The following PCNX2 variants were observed in gnomAD, a reference collection of about 807,000 sequenced individuals.
PCNX2 encodes the protein pecanex-like protein 2.
PCNX2 carries 168 observed loss-of-function variants against 223.8 expected under a neutral mutation model. The observed-to-expected ratio is 0.75, with a 90% CI of 0.66 to 0.85. The LOEUF (loss-of-function observed/expected upper bound fraction) is 0.85, where lower values mean the gene tolerates loss of function less well. Ranked by LOEUF, PCNX2 falls within the 40% of genes least tolerant of loss-of-function variation. PCNX2 has a pLI of 0.00. For missense variants in PCNX2, 2,507 were observed against 2,675.5 expected (o/e 0.94, Z 1.39); for synonymous variants, 1,006 against 1,052.6 (o/e 0.96, Z 0.86).
chr1:233,176,891 T>C (rs556243961), intron 17 of PCNX2, among the ~76,000 whole-genome samples: 2 of 152,262 alleles, frequency 1.3e-5, no homozygotes, highest in South Asian at 4.1e-4. Context: ...GGCGGGCACC[T>C]GTAGTCCCAG....
intron 17 of PCNX2, among the ~76,000 whole-genome samples, chr1:233,176,893 T>C (rs1255071969): frequency 6.6e-6 from 1 of 152,140 alleles, no homozygotes; most frequent in Non-Finnish European, 1.5e-5. Context: ...CGGGCACCTG[T>C]AGTCCCAGCT....
intron 25 of PCNX2, chr1:233,047,596 A>G (rs1377944693): frequency 1.3e-5 from 2 of 157,992 alleles, no homozygotes; most frequent in African/African-American, 4.8e-5. Flanking sequence ...CAACAACAGT[A>G]AAACAGGACA....
At chr1:233,127,362 G>A (rs1159420358) in intron 21 of PCNX2, among the ~76,000 whole-genome samples, 1 of 151,964 alleles carries the variant, frequency 6.6e-6, no homozygotes, top group Non-Finnish European at 1.5e-5. Flanking sequence ...TCTTGCTTCT[G>A]TGCCTTTACA....
chr1:233,014,892 C>A, intron 27 of PCNX2, 115 bp from the exon 28 acceptor site: 2 of 679,840 alleles, frequency 2.9e-6, no homozygotes, highest in South Asian at 4.0e-5. Context: ...TCATCCAGTC[C>A]CCTCTAAGAT....
rs1330508734 is a variant in PCNX2, at chr1:232,984,292, G to A, written c.*12C>T. ...GTGGGGGAGCCAGCCTCCCCGCCCG[G>A]CCGCACGCCCGTCACTGCTCGTCTG... On this transcript the variant is annotated 3_prime_UTR_variant, in exon 34 of 34. Transcript: ENST00000258229. 6 of 1,586,666 alleles carry A rather than the reference G, an allele frequency of 3.8e-6. No individual in the cohort carries two copies. The highest frequency in any genetic ancestry group is 1.3e-5 in the African/African-American group (1 of 74,176).
At chr1:233,287,433 G>T (rs1335131165) in intron 1 of PCNX2, among the ~76,000 whole-genome samples, 4 of 152,144 alleles carry the variant, frequency 2.6e-5, no homozygotes, top group African/African-American at 4.8e-5. Context: ...AGGTAATTGA[G>T]CCATGAGGCA....
chr1:233,024,532 A>C (rs1671016926), intron 26 of PCNX2, among the ~76,000 whole-genome samples: 1 of 152,132 alleles, frequency 6.6e-6, no homozygotes, highest in Admixed American at 6.5e-5. Flanking sequence ...CCGGATGAAC[A>C]CTACACATCC....
chr1:233,112,725 AATTCAC>A, intron 21 of PCNX2: 2 of 833,572 alleles, frequency 2.4e-6, no homozygotes, highest in South Asian at 2.1e-5. Flanking sequence ...AATATAACTA[AATTCAC>A]ATATTTATTA....
chr1:233,055,413 G>A (rs111857172), intron 24 of PCNX2, among the ~76,000 whole-genome samples: 23 of 152,288 alleles, frequency 1.5e-4, no homozygotes, highest in Non-Finnish European at 1.6e-4. Flanking sequence ...CCGGTGGACA[G>A]CCAGGGGTGC....
chr1:233,235,712 G>A (rs977991479), intron 9 of PCNX2, among the ~76,000 whole-genome samples: 25 of 151,686 alleles, frequency 1.6e-4, no homozygotes, highest in Admixed American at 1.1e-3. Flanking sequence ...AGCAATTCTC[G>A]TGCCTCAGCC....
chr1:233,325,366 G>T, the PCNX2 span, among the ~76,000 whole-genome samples: 1 of 152,016 alleles, frequency 6.6e-6, no homozygotes, highest in Non-Finnish European at 1.5e-5. Context: ...GGAATTAGAC[G>T]TGGAGACTGA....
At chr1:233,194,639 CT>C (rs1268855269) in intron 15 of PCNX2, among the ~76,000 whole-genome samples, 2 of 152,010 alleles carry the variant, frequency 1.3e-5, no homozygotes, top group East Asian at 3.9e-4. Context: ...TATGTGAGCT[CT>C]TTTATAATAT....
intron 1 of PCNX2, among the ~76,000 whole-genome samples, chr1:233,267,209 C>T (rs112621271): frequency 0.024 from 3,722 of 152,012 alleles, 158 homozygotes; most frequent in African/African-American, 0.085. Context: ...CCCAGCTACT[C>T]GGGAGACTAA....
At chr1:233,267,369 A>T (rs866164639) in intron 1 of PCNX2, among the ~76,000 whole-genome samples, 2 of 152,208 alleles carry the variant, frequency 1.3e-5, no homozygotes, top group East Asian at 3.9e-4. Context: ...GGTAAAATAT[A>T]TATAATACAA....
At chr1:233,207,794 T>C (rs1681565720) in intron 13 of PCNX2, among the ~76,000 whole-genome samples, 1 of 152,094 alleles carries the variant, frequency 6.6e-6, no homozygotes, top group African/African-American at 2.4e-5. Flanking sequence ...TTATATAAAA[T>C]ACTGCCTAAA....
At chr1:233,003,316 A>G (rs1464850950) in intron 28 of PCNX2, among the ~76,000 whole-genome samples, 3 of 152,220 alleles carry the variant, frequency 2.0e-5, no homozygotes, top group African/African-American at 7.2e-5. Context: ...TAAGAAAAAA[A>G]CAACCCCATC....
chr1:233,256,953 A>T (rs1004193161), intron 5 of PCNX2, among the ~76,000 whole-genome samples: 2 of 152,210 alleles, frequency 1.3e-5, no homozygotes, highest in Non-Finnish European at 2.9e-5. Flanking sequence ...ATGAGCTACC[A>T]TATGCAAACA....
chr1:233,288,693 C>T (rs568753945), intron 1 of PCNX2, among the ~76,000 whole-genome samples: 19 of 152,186 alleles, frequency 1.2e-4, no homozygotes, highest in African/African-American at 4.3e-4. Flanking sequence ...TCCACAGAGC[C>T]ATCCGGAGAA....
At chr1:233,275,085 G>C (rs1660839959) in intron 1 of PCNX2, among the ~76,000 whole-genome samples, 1 of 152,180 alleles carries the variant, frequency 6.6e-6, no homozygotes, top group Admixed American at 6.5e-5. Context: ...AAACAGTAAA[G>C]TGTGATATAA....
Sources: gnomAD v4.1 joint callset for allele counts (sites outside exome capture counted in the v4.1 genomes callset) on GRCh38, gnomAD v4.1.1 for gene constraint, MANE v1.5 for transcripts, NCBI Gene and HGNC (gene_info 2026-07-23, HGNC 2026-07-21) for gene names.